LINGO2: variants seen among roughly 807,000 people sequenced by gnomAD.
LINGO2 encodes the protein leucine rich repeat and Ig domain containing 2, also known as leucine-rich repeat and immunoglobulin-like domain-containing nogo receptor-interacting protein 2.
LINGO2 carries 14 observed loss-of-function variants against 30.6 expected under a neutral mutation model. The observed-to-expected ratio is 0.46, with a 90% CI of 0.30 to 0.72. The LOEUF is 0.72. LINGO2 is among the 30% of genes least tolerant of loss of function. LINGO2 has a pLI of 0.07. For synonymous variants in LINGO2, 317 were observed against 288.5 expected (o/e 1.10, Z -1.00); for missense variants, 729 against 751.7 (o/e 0.97, Z 0.35).
chr9:29,111,861 G>GTATATATGTGAGTATATATACATATATT, the LINGO2 span, among the ~76,000 whole-genome samples: 2 of 96,522 alleles, frequency 2.1e-5, no homozygotes, highest in African/African-American at 8.0e-5. Flanking sequence ...GTATGTTCAT[G>GTATATATGTGAGTATATATACATATATT]TATATATGTG....
chr9:28,937,191 C>T, the LINGO2 span, among the ~76,000 whole-genome samples: 2 of 152,160 alleles, frequency 1.3e-5, 1 homozygote, highest in South Asian at 4.1e-4. Context: ...AAAATGCATT[C>T]ACCCCATCTC....
At chr9:28,990,075 C>T in the LINGO2 span, among the ~76,000 whole-genome samples, 1 of 152,182 alleles carries the variant, frequency 6.6e-6, no homozygotes, top group Non-Finnish European at 1.5e-5. Flanking sequence ...ATGCGTGAGC[C>T]GAAGCAGGGT....
At chr9:28,705,271 T>C in the LINGO2 span, among the ~76,000 whole-genome samples, 1 of 152,180 alleles carries the variant, frequency 6.6e-6, no homozygotes, top group African/African-American at 2.4e-5. Context: ...AAAGAAATTA[T>C]AGTAAATAGG....
At chr9:28,943,702 G>A in the LINGO2 span, among the ~76,000 whole-genome samples, 2 of 152,176 alleles carry the variant, frequency 1.3e-5, no homozygotes, top group African/African-American at 2.4e-5. Flanking sequence ...ACAAACGTAT[G>A]CATTGCTCTG....
At chr9:28,517,132 T>C (rs1382585266) in intron 1 of LINGO2, among the ~76,000 whole-genome samples, 1 of 152,218 alleles carries the variant, frequency 6.6e-6, no homozygotes, top group African/African-American at 2.4e-5. Context: ...ACTGTGATTC[T>C]TCATTCATTC....
chr9:28,225,329 T>TA (rs1821109991), intron 4 of LINGO2, among the ~76,000 whole-genome samples: 1 of 152,168 alleles, frequency 6.6e-6, no homozygotes, highest in African/African-American at 2.4e-5. Flanking sequence ...TCTTGGATGG[T>TA]AAGTCTGAAT....
chr9:28,038,415 T>A (rs375073612), intron 4 of LINGO2, among the ~76,000 whole-genome samples: 1 of 152,152 alleles, frequency 6.6e-6, no homozygotes, highest in East Asian at 1.9e-4. Context: ...TGCTTATGGC[T>A]GGGCGCGGTG....
At chr9:28,745,410 G>A in the LINGO2 span, among the ~76,000 whole-genome samples, 1 of 152,034 alleles carries the variant, frequency 6.6e-6, no homozygotes, top group Non-Finnish European at 1.5e-5. Flanking sequence ...GTTGGGGTAA[G>A]GTGGTGTGTG....
the LINGO2 span, among the ~76,000 whole-genome samples, chr9:29,079,353 CAAT>C: frequency 6.6e-6 from 1 of 151,852 alleles, no homozygotes; most frequent in African/African-American, 2.4e-5. Flanking sequence ...TAAAAGGAAA[CAAT>C]GAGAACTCAC....
the LINGO2 span, among the ~76,000 whole-genome samples, chr9:28,759,637 G>A: frequency 2.6e-5 from 4 of 151,272 alleles, no homozygotes; most frequent in South Asian, 4.2e-4. Flanking sequence ...AGCCTAGATC[G>A]CACCACTGCA....
chr9:28,741,171 A>G, the LINGO2 span, among the ~76,000 whole-genome samples: 3 of 152,018 alleles, frequency 2.0e-5, no homozygotes, highest in Admixed American at 2.0e-4. Flanking sequence ...CCACTGAGAT[A>G]GACCTGGATT....
rs552378960 is a variant in LINGO2, at chr9:28,272,092, C to T, written c.-87+23116G>A. Among the ~76,000 whole-genome samples the T allele has an allele frequency of 3.9e-5, 6 of 152,284 alleles. No homozygotes were observed. The South Asian group carries it at 1.2e-3, about 32-fold the overall frequency. On this transcript the variant is annotated intron_variant, in intron 4 of 5. Coordinates refer to ENST00000379992, the Ensembl canonical transcript of LINGO2. ...CTTCTTCCCCATGTCATCCACTCAC[C>T]ATTTTCATGGCTGCAGCCTTAATAC...
intron 1 of LINGO2, among the ~76,000 whole-genome samples, chr9:28,493,686 G>A (rs1819462710): frequency 6.6e-6 from 1 of 152,180 alleles, no homozygotes; most frequent in African/African-American, 2.4e-5. Flanking sequence ...GTCCCTAGGT[G>A]TTGTCTGTGA....
intron 4 of LINGO2, among the ~76,000 whole-genome samples, chr9:28,013,098 T>G (rs1048295491): frequency 6.6e-6 from 1 of 152,204 alleles, no homozygotes; most frequent in East Asian, 1.9e-4. Context: ...AATGTTGGAA[T>G]GATGTTTTAG....
chr9:28,360,909 A>G (rs1820412885), intron 3 of LINGO2, among the ~76,000 whole-genome samples: 1 of 152,160 alleles, frequency 6.6e-6, no homozygotes, highest in Non-Finnish European at 1.5e-5. Context: ...GGCACAAAAA[A>G]CAACTAGATT....
the LINGO2 span, among the ~76,000 whole-genome samples, chr9:29,117,621 C>G: frequency 6.6e-6 from 1 of 152,116 alleles, no homozygotes; most frequent in African/African-American, 2.4e-5. Context: ...GAGGCTCCCA[C>G]CAGCCAAGAG....
rs1349001758 is a variant in LINGO2, at chr9:28,351,322, C to T, written c.-246+21514G>A. On this transcript the variant is annotated intron_variant, in intron 3 of 5. Transcript: ENST00000379992. ...ATAAAAAATGATAAAGGGGATATCACCACCGATCCCACAGAAATACAAACT... is the reference window on the plus strand; with the variant it reads ...ATAAAAAATGATAAAGGGGATATCATCACCGATCCCACAGAAATACAAACT... Among the ~76,000 whole-genome samples the T allele has an allele frequency of 6.2e-3, 895 of 143,204 alleles. 12 individuals carry two copies. The highest frequency in any genetic ancestry group is 0.021 in the African/African-American group (833 of 39,118). The allele number at this position is 143,204 out of a possible 152,430, so 93.9% of individuals were successfully genotyped here.
the LINGO2 span, among the ~76,000 whole-genome samples, chr9:28,994,636 C>A: frequency 0.025 from 3,790 of 151,432 alleles, 58 homozygotes; most frequent in Middle Eastern, 0.054. Context: ...AGGCTACAGT[C>A]ACCAAAACAG....
the LINGO2 span, among the ~76,000 whole-genome samples, chr9:28,797,359 T>TATATAG: frequency 2.9e-3 from 99 of 34,202 alleles, 1 homozygote; most frequent in South Asian, 6.0e-3. Context: ...TATATATATA[T>TATATAG]AGAGAGAGAG....
Sources: gnomAD v4.1 joint callset for allele counts (sites outside exome capture counted in the v4.1 genomes callset) on GRCh38, gnomAD v4.1.1 for gene constraint, MANE v1.5 for transcripts, NCBI Gene and HGNC (gene_info 2026-07-23, HGNC 2026-07-21) for gene names.